The following TMEM117 variants were observed in gnomAD, a reference collection of about 807,000 sequenced individuals.
TMEM117 encodes the protein transmembrane protein 117.
A neutral mutation model predicts 52.4 loss-of-function variants in TMEM117; 27 were observed. The observed-to-expected ratio is 0.51, with a 90% CI of 0.38 to 0.71. TMEM117 has a LOEUF of 0.71. TMEM117 is among the 30% of genes least tolerant of loss of function. TMEM117 has a pLI of 0.00. For missense variants in TMEM117, 556 were observed against 630.5 expected, an observed-to-expected ratio of 0.88 and a Z score of 1.26; for synonymous variants, 215 against 206.3, an observed-to-expected ratio of 1.04 and a Z score of -0.36.
chr12:44,338,254 T>C (rs1202615133), intron 6 of TMEM117, among the ~76,000 whole-genome samples: 1 of 152,104 alleles, frequency 6.6e-6, no homozygotes, highest in East Asian at 1.9e-4. Flanking sequence ...TTAAAGATTA[T>C]ACCTAAAAAT....
At chr12:43,888,783 C>T (rs1263085673) in intron 2 of TMEM117, among the ~76,000 whole-genome samples, 6 of 151,988 alleles carry the variant, frequency 3.9e-5, no homozygotes, top group African/African-American at 7.3e-5. Flanking sequence ...CTCCTGACCT[C>T]GTGATCCGCC....
intron 2 of TMEM117, among the ~76,000 whole-genome samples, chr12:43,928,429 G>A (rs1306657831): frequency 6.6e-6 from 1 of 151,722 alleles, no homozygotes; most frequent in Non-Finnish European, 1.5e-5. Flanking sequence ...TTAAATGAAG[G>A]TATATAGGAG....
chr12:44,152,017 A>G (rs1191873646), intron 4 of TMEM117, among the ~76,000 whole-genome samples: 2 of 118,992 alleles, frequency 1.7e-5, no homozygotes, highest in Admixed American at 2.1e-4. Flanking sequence ...TATATATTAT[A>G]TATTTAAATA....
intron 3 of TMEM117, among the ~76,000 whole-genome samples, chr12:44,061,781 T>C (rs1282036057): frequency 6.6e-6 from 1 of 152,086 alleles, no homozygotes; most frequent in East Asian, 1.9e-4. Context: ...GGTTTAAGAT[T>C]AGGATAGTTG....
intron 2 of TMEM117, among the ~76,000 whole-genome samples, chr12:43,910,009 C>T (rs1346672274): frequency 1.5e-5 from 2 of 130,784 alleles, no homozygotes; most frequent in Admixed American, 8.3e-5. Flanking sequence ...CCAGCATCAT[C>T]CTGATACCAA....
chr12:44,136,475 C>T (rs2138183227), intron 3 of TMEM117, among the ~76,000 whole-genome samples: 2 of 152,140 alleles, frequency 1.3e-5, no homozygotes, highest in East Asian at 3.9e-4. Flanking sequence ...TGTTTTTTAA[C>T]CTTATAGACC....
intron 2 of TMEM117, among the ~76,000 whole-genome samples, chr12:43,890,593 G>C (rs1244515773): frequency 6.6e-6 from 1 of 151,928 alleles, no homozygotes; most frequent in African/African-American, 2.4e-5. Flanking sequence ...GTGTAGTGGT[G>C]CAATCTCGGC....
At chr12:43,893,765 A>G (rs1434899104) in intron 2 of TMEM117, among the ~76,000 whole-genome samples, 2 of 152,154 alleles carry the variant, frequency 1.3e-5, no homozygotes, top group African/African-American at 2.4e-5. Flanking sequence ...ACCCTAACCC[A>G]GACTTACTGG....
intron 3 of TMEM117, among the ~76,000 whole-genome samples, chr12:44,120,449 C>T (rs983316302): frequency 6.6e-6 from 1 of 152,100 alleles, no homozygotes; most frequent in African/African-American, 2.4e-5. Flanking sequence ...CTCCTGTAGG[C>T]TTATTCTTCT....
chr12:43,824,094 T>C, the TMEM117 span, among the ~76,000 whole-genome samples: 2 of 152,248 alleles, frequency 1.3e-5, no homozygotes, highest in Non-Finnish European at 2.9e-5. Flanking sequence ...TATTGTGATG[T>C]AATTAAACAA....
chr12:44,286,957 C>A (rs1221376492), intron 5 of TMEM117, among the ~76,000 whole-genome samples: 2 of 152,184 alleles, frequency 1.3e-5, no homozygotes, highest in African/African-American at 4.8e-5. Flanking sequence ...CTGTCACTGG[C>A]AGCCTCTGTG....
intron 6 of TMEM117, among the ~76,000 whole-genome samples, chr12:44,356,764 C>T (rs974842446): frequency 6.6e-6 from 1 of 152,092 alleles, no homozygotes; most frequent in Non-Finnish European, 1.5e-5. Flanking sequence ...CTTCTGAAGT[C>T]TCACTCCTAT....
At chr12:44,058,268 C>T (rs1047761578) in intron 3 of TMEM117, among the ~76,000 whole-genome samples, 3 of 151,876 alleles carry the variant, frequency 2.0e-5, no homozygotes, top group Admixed American at 1.3e-4. Context: ...TGAAAGCTTA[C>T]GTATATCACA....
the TMEM117 span, among the ~76,000 whole-genome samples, chr12:43,821,963 G>C: frequency 6.6e-6 from 1 of 152,216 alleles, no homozygotes; most frequent in Non-Finnish European, 1.5e-5. Flanking sequence ...ACCTAGCTGT[G>C]GGTGTGACCA....
intron 2 of TMEM117, among the ~76,000 whole-genome samples, chr12:43,873,972 A>G (rs931616412): frequency 6.6e-6 from 1 of 151,698 alleles, no homozygotes; most frequent in African/African-American, 2.4e-5. Context: ...TTTTTGTTGT[A>G]GCTTGCTTTT....
chr12:43,829,185 A>T, the TMEM117 span, among the ~76,000 whole-genome samples: 1 of 152,096 alleles, frequency 6.6e-6, no homozygotes, highest in Non-Finnish European at 1.5e-5. Flanking sequence ...GTTTGCTTCA[A>T]ACTTCTTCTG....
At chr12:44,123,175 T>A (rs962256847) in intron 3 of TMEM117, among the ~76,000 whole-genome samples, 1 of 152,208 alleles carries the variant, frequency 6.6e-6, no homozygotes, top group African/African-American at 2.4e-5. Flanking sequence ...TGAGCTTTTT[T>A]TCATGTTTGT....
intron 3 of TMEM117, among the ~76,000 whole-genome samples, chr12:43,973,463 G>A (rs1945624280): frequency 1.3e-5 from 2 of 152,072 alleles, no homozygotes; most frequent in African/African-American, 4.8e-5. Context: ...CTTGACTTTA[G>A]CCACACCAAG....
chr12:44,361,459 G>T (rs1046231712), intron 6 of TMEM117, among the ~76,000 whole-genome samples: 52 of 152,236 alleles, frequency 3.4e-4, no homozygotes, highest in African/African-American at 1.3e-3. Context: ...TAACTTGTTT[G>T]CCTCTTCTAC....
Sources: allele counts gnomAD v4.1 joint callset (sites outside exome capture counted in the v4.1 genomes callset), GRCh38; gene constraint gnomAD v4.1.1; transcripts MANE v1.5; gene names NCBI Gene and HGNC (gene_info 2026-07-23, HGNC 2026-07-21).